MKLN1: variants seen among roughly 807,000 people sequenced by gnomAD.
MKLN1 encodes muskelin.
Under a neutral mutation model 99.0 loss-of-function variants are expected in MKLN1, and 18 were observed. The observed-to-expected ratio is 0.18, with a 90% CI of 0.13 to 0.27. MKLN1 has a LOEUF of 0.27. Among genes scored for constraint, MKLN1 ranks in the 10% least tolerant of loss-of-function variants. MKLN1 has a pLI of 1.00. For synonymous variants in MKLN1, 288 were observed against 293.2 expected (o/e 0.98, Z 0.18); for missense variants, 621 against 875.9 (o/e 0.71, Z 3.67).
intron 3 of MKLN1, among the ~76,000 whole-genome samples, chr7:131,233,490 A>G (rs1373904965): frequency 5.9e-5 from 9 of 151,892 alleles, no homozygotes; most frequent in Admixed American, 5.2e-4. Flanking sequence ...TAAGTTGTAT[A>G]CTTTTCAGAA....
chr7:131,246,432 G>C (rs1164772788), intron 3 of MKLN1, among the ~76,000 whole-genome samples: 1 of 152,214 alleles, frequency 6.6e-6, no homozygotes, highest in African/African-American at 2.4e-5. Flanking sequence ...GGTTATCTTA[G>C]AAGAGAGCTC....
chr7:131,151,086 A>G (rs1795882583), intron 2 of MKLN1, among the ~76,000 whole-genome samples: 1 of 152,112 alleles, frequency 6.6e-6, no homozygotes, highest in Admixed American at 6.6e-5. Context: ...CGTTAACTAT[A>G]TTTTTCTTTA....
intron 12 of MKLN1, among the ~76,000 whole-genome samples, chr7:131,455,175 T>G (rs1280062764): frequency 5.3e-5 from 8 of 152,178 alleles, no homozygotes; most frequent in Admixed American, 5.2e-4. Context: ...AAAAATAGAG[T>G]TGAGATTAAT....
intron 3 of MKLN1, among the ~76,000 whole-genome samples, chr7:131,266,275 C>T (rs934682093): frequency 4.6e-5 from 7 of 151,732 alleles, no homozygotes; most frequent in African/African-American, 1.7e-4. Flanking sequence ...AGGCTGTCTA[C>T]CACAACCAGA....
chr7:131,344,428 T>G (rs915179008), intron 1 of MKLN1, among the ~76,000 whole-genome samples: 2 of 152,128 alleles, frequency 1.3e-5, no homozygotes, highest in Non-Finnish European at 2.9e-5. Flanking sequence ...TAAAGTTAAG[T>G]CTATGGTTTA....
chr7:131,327,192 C>G (rs2116678369), upstream of MKLN1: 1 of 152,350 alleles, frequency 6.6e-6, no homozygotes, highest in South Asian at 2.1e-4. Context: ...AAAATGATGA[C>G]ACGCAGCTTC....
intron 2 of MKLN1, among the ~76,000 whole-genome samples, chr7:131,378,095 T>C (rs1000273154): frequency 2.0e-5 from 3 of 152,054 alleles, no homozygotes; most frequent in Admixed American, 6.6e-5. Context: ...GGAATGGGTA[T>C]AGTTTTATTT....
At chr7:131,212,384 G>A (rs2116434433) in intron 3 of MKLN1, among the ~76,000 whole-genome samples, 1 of 152,286 alleles carries the variant, frequency 6.6e-6, no homozygotes, top group Middle Eastern at 3.4e-3. Context: ...CCCTGGGAGA[G>A]GGTGTTTACA....
intron 1 of MKLN1, chr7:131,328,284 G>C: frequency 2.5e-6 from 1 of 403,106 alleles, no homozygotes; most frequent in Non-Finnish European, 4.6e-6. Context: ...TGGGATTTGG[G>C]GGTTGAGGTT....
chr7:131,426,745 GAATGTTT>G, intron 8 of MKLN1, among the ~76,000 whole-genome samples: 1 of 151,638 alleles, frequency 6.6e-6, no homozygotes, highest in Non-Finnish European at 1.5e-5. Flanking sequence ...ACAGCCTTCA[GAATGTTT>G]TCATGTAACT....
At chr7:131,255,078 G>C (rs1229962683) in intron 3 of MKLN1, among the ~76,000 whole-genome samples, 5 of 151,866 alleles carry the variant, frequency 3.3e-5, no homozygotes, top group African/African-American at 4.8e-5. Flanking sequence ...TTTTTTTGTA[G>C]AGACAGGGTC....
chr7:131,466,923 ACGCG>A (rs58111500), intron 15 of MKLN1, among the ~76,000 whole-genome samples: 2 of 150,550 alleles, frequency 1.3e-5, no homozygotes, highest in East Asian at 1.9e-4. Context: ...ACACACACAC[ACGCG>A]CGCGCGCGCA....
chr7:131,263,469 G>A (rs1295616333), intron 3 of MKLN1, among the ~76,000 whole-genome samples: 1 of 151,694 alleles, frequency 6.6e-6, no homozygotes, highest in Non-Finnish European at 1.5e-5. Context: ...AGGCTGCAGT[G>A]ACCCATGATT....
chr7:131,353,015 G>A (rs1799765061), intron 1 of MKLN1, among the ~76,000 whole-genome samples: 1 of 152,270 alleles, frequency 6.6e-6, no homozygotes, highest in South Asian at 2.1e-4. Context: ...GAACCATTCA[G>A]CAGTTGATGA....
intron 8 of MKLN1, among the ~76,000 whole-genome samples, chr7:131,416,103 TC>T (rs1247706093): frequency 6.6e-6 from 1 of 152,204 alleles, no homozygotes; most frequent in East Asian, 1.9e-4. Context: ...GCCCACCCTT[TC>T]AAACAAATTT....
chr7:131,428,787 G>A (rs1239589240), intron 8 of MKLN1, among the ~76,000 whole-genome samples: 1 of 152,120 alleles, frequency 6.6e-6, no homozygotes, highest in Non-Finnish European at 1.5e-5. Flanking sequence ...CTTGGGACAT[G>A]CCTCCTAGTT....
chr7:131,353,455 T>C (rs1412742680), intron 1 of MKLN1, among the ~76,000 whole-genome samples: 2 of 152,126 alleles, frequency 1.3e-5, no homozygotes, highest in Non-Finnish European at 2.9e-5. Context: ...TTTTACCTGA[T>C]GGATGTCAAG....
Position 131,343,479 on chromosome 7 carries a change from A to G in MKLN1, c.98+15482A>G, listed in dbSNP as rs531166270. Among the ~76,000 whole-genome samples, 8 of 152,210 alleles carry G rather than the reference A, an allele frequency of 5.3e-5. No homozygotes were observed. In the East Asian group the frequency reaches 1.3e-3, roughly 26 times the overall value. Reference sequence around the variant, plus strand: ...ATTTTATAGTTACACTATTGTATTTATTGAAGGTAGCTTGGCTGATACTGT... The same window carrying G: ...ATTTTATAGTTACACTATTGTATTTGTTGAAGGTAGCTTGGCTGATACTGT... On this transcript the variant is annotated intron_variant, in intron 1 of 17. Transcript: ENST00000352689.
intron 2 of MKLN1, among the ~76,000 whole-genome samples, chr7:131,153,874 G>A (rs1795927206): frequency 1.3e-5 from 2 of 152,022 alleles, no homozygotes; most frequent in Admixed American, 6.6e-5. Flanking sequence ...GGCTGGCCAG[G>A]CTGGTCTTGA....
Sources: gnomAD v4.1 joint callset for allele counts (sites outside exome capture counted in the v4.1 genomes callset) on GRCh38, gnomAD v4.1.1 for gene constraint, MANE v1.5 for transcripts, NCBI Gene and HGNC (gene_info 2026-07-23, HGNC 2026-07-21) for gene names.